Variants in CACHD1 observed in about 807,000 individuals in gnomAD.
CACHD1 encodes cache domain containing 1.
CACHD1 carries 71 observed loss-of-function variants against 138.7 expected under a neutral mutation model. The observed-to-expected ratio is 0.51, with a 90% CI of 0.42 to 0.62. CACHD1 has a LOEUF of 0.62. Ranked by LOEUF, CACHD1 falls within the 20% of genes least tolerant of loss-of-function variation. The probability of loss-of-function intolerance (pLI) is 0.00; values close to 1 mark genes in which losing one functional copy is unlikely to be tolerated. For synonymous variants in CACHD1, 578 were observed against 591.5 expected (o/e 0.98, Z 0.33); for missense variants, 1,389 against 1,625.3 (o/e 0.85, Z 2.50).
At chr1:64,551,611 G>A (rs930933390) in intron 2 of CACHD1, among the ~76,000 whole-genome samples, 3 of 152,124 alleles carry the variant, frequency 2.0e-5, no homozygotes, top group Admixed American at 6.5e-5. Flanking sequence ...CTGAGATTCC[G>A]CCATTATTAT....
chr1:64,644,062 A>G (rs1233123107), intron 8 of CACHD1, among the ~76,000 whole-genome samples: 1 of 152,232 alleles, frequency 6.6e-6, no homozygotes, highest in African/African-American at 2.4e-5. Flanking sequence ...ACTTTCCACA[A>G]GAATGTGAAC....
At chr1:64,534,447 G>T (rs1646616006) in intron 1 of CACHD1, among the ~76,000 whole-genome samples, 1 of 152,064 alleles carries the variant, frequency 6.6e-6, no homozygotes, top group African/African-American at 2.4e-5. Flanking sequence ...AAATATGAAG[G>T]GCAGGTAAAC....
intron 2 of CACHD1, among the ~76,000 whole-genome samples, chr1:64,556,789 A>G (rs1243662959): frequency 1.3e-5 from 2 of 152,238 alleles, no homozygotes; most frequent in African/African-American, 4.8e-5. Context: ...CAAAGAAACT[A>G]TGGCAACAGC....
At chr1:64,476,577 G>C (rs954580151) in intron 1 of CACHD1, among the ~76,000 whole-genome samples, 5 of 152,196 alleles carry the variant, frequency 3.3e-5, no homozygotes, top group Non-Finnish European at 5.9e-5. Flanking sequence ...TTTGAAAATG[G>C]ATATTTAGAA....
rs370826412 is a variant in CACHD1, at chr1:64,669,963, T to C, written c.2388-1601T>C. Among the ~76,000 whole-genome samples, 11 of 152,244 alleles carry C rather than the reference T, an allele frequency of 7.2e-5. No homozygotes were observed. The East Asian group carries it at 1.3e-3, about 19-fold the overall frequency. On this transcript the variant is annotated intron_variant, in intron 16 of 26. Transcript: ENST00000651257. ...GTGGGTACTGGTCTAATCTATCTTA[T>C]GTGTTTTTGCCCTTCTCAGCCTAAT...
intron 4 of CACHD1, among the ~76,000 whole-genome samples, chr1:64,616,097 A>G (rs11208483): frequency 0.65 from 99,255 of 152,022 alleles, 34,698 homozygotes; most frequent in East Asian, 0.78. Flanking sequence ...CCATCACTGT[A>G]TTCTGCCTAC....
At position 64,661,886 on chromosome 1, in the gene CACHD1, C is replaced by T. The variant is rs191880359; in HGVS notation, c.1952-1809C>T. Among the ~76,000 whole-genome samples, 4 of 152,260 alleles carry T rather than the reference C, an allele frequency of 2.6e-5. No individual in the cohort carries two copies. The East Asian group carries it at 7.7e-4, about 29-fold the overall frequency. ...GCAGACTAGGTAATTCTAACCCAACCTACTGAGGACAACTATTTAATAAAA... is the reference window on the plus strand; with the variant it reads ...GCAGACTAGGTAATTCTAACCCAACTTACTGAGGACAACTATTTAATAAAA... On this transcript the variant is annotated intron_variant, in intron 13 of 26. Coordinates refer to ENST00000651257, the MANE Select transcript of CACHD1 (RefSeq NM_020925.4).
At chr1:64,576,572 G>A (rs948386176) in intron 2 of CACHD1, among the ~76,000 whole-genome samples, 3 of 152,078 alleles carry the variant, frequency 2.0e-5, no homozygotes, top group African/African-American at 7.2e-5. Context: ...CTCGTCAGAA[G>A]CACACAGGGA....
At chr1:64,557,561 C>T (rs1395273861) in intron 2 of CACHD1, among the ~76,000 whole-genome samples, 4 of 152,106 alleles carry the variant, frequency 2.6e-5, no homozygotes, top group African/African-American at 4.8e-5. Flanking sequence ...TCTAGCAGCT[C>T]TCCCTGCTCT....
At chr1:64,627,279 C>T (rs1050093909) in intron 4 of CACHD1, among the ~76,000 whole-genome samples, 3 of 152,000 alleles carry the variant, frequency 2.0e-5, no homozygotes, top group African/African-American at 7.3e-5. Context: ...TGGCGGTGCC[C>T]ACCTATAGTC....
At chr1:64,615,568 G>GT (rs1647680827) in intron 4 of CACHD1, among the ~76,000 whole-genome samples, 1 of 152,138 alleles carries the variant, frequency 6.6e-6, no homozygotes, top group African/African-American at 2.4e-5. Context: ...CCCATAGCAC[G>GT]TATACAGTAA....
intron 3 of CACHD1, among the ~76,000 whole-genome samples, chr1:64,589,658 C>T (rs766406414): frequency 9.2e-5 from 14 of 152,012 alleles, no homozygotes; most frequent in Non-Finnish European, 1.5e-4. Flanking sequence ...GCTTACAGAA[C>T]GTCTGTCATT....
At chr1:64,472,219 C>T (rs1300908201) in intron 1 of CACHD1, among the ~76,000 whole-genome samples, 3 of 151,840 alleles carry the variant, frequency 2.0e-5, no homozygotes, top group Middle Eastern at 3.2e-3. Context: ...TCTTCTCCTT[C>T]TCTTCTTTCT....
intron 26 of CACHD1, among the ~76,000 whole-genome samples, chr1:64,690,318 C>T (rs1650506176): frequency 6.6e-6 from 1 of 152,136 alleles, no homozygotes; most frequent in Admixed American, 6.5e-5. Context: ...TGGCTGCATG[C>T]AAGAACATCA....
intron 15 of CACHD1, among the ~76,000 whole-genome samples, 189 bp from the exon 16 acceptor site, chr1:64,665,868 A>G (rs1022902338): frequency 6.6e-6 from 1 of 152,042 alleles, no homozygotes; most frequent in Non-Finnish European, 1.5e-5. Flanking sequence ...GCTAGGCATG[A>G]TGGCGGGTGC....
At chr1:64,608,701 T>C (rs1018920338) in intron 4 of CACHD1, among the ~76,000 whole-genome samples, 2 of 152,250 alleles carry the variant, frequency 1.3e-5, no homozygotes, top group African/African-American at 2.4e-5. Context: ...TGTTATATTA[T>C]GGTTCTGGTA....
chr1:64,481,053 A>G (rs1646208974), intron 1 of CACHD1, among the ~76,000 whole-genome samples: 1 of 152,146 alleles, frequency 6.6e-6, no homozygotes, highest in Middle Eastern at 3.2e-3. Flanking sequence ...TGCACAGTCA[A>G]ATGATTTCAG....
intron 3 of CACHD1, among the ~76,000 whole-genome samples, chr1:64,601,794 G>A (rs543521860): frequency 1.3e-5 from 2 of 152,116 alleles, no homozygotes; most frequent in African/African-American, 4.8e-5. Context: ...TTGCATTAGT[G>A]GTTCCTGAAG....
At chr1:64,606,752 G>A (rs1647354061) in intron 4 of CACHD1, among the ~76,000 whole-genome samples, 1 of 152,206 alleles carries the variant, frequency 6.6e-6, no homozygotes, top group Non-Finnish European at 1.5e-5. Context: ...GTGATGAGAA[G>A]CAGTTGAATT....
Sources: gnomAD v4.1 joint callset for allele counts (sites outside exome capture counted in the v4.1 genomes callset) on GRCh38, gnomAD v4.1.1 for gene constraint, MANE v1.5 for transcripts, NCBI Gene and HGNC (gene_info 2026-07-23, HGNC 2026-07-21) for gene names.